The following ZNF516 variants were observed in gnomAD, a reference collection of about 807,000 sequenced individuals.
ZNF516 encodes zinc finger protein 516.
ZNF516 carries 19 observed loss-of-function variants against 79.7 expected under a neutral mutation model. That is an observed-to-expected ratio of 0.24 (90% CI 0.17 to 0.35). The LOEUF (loss-of-function observed/expected upper bound fraction) is 0.35, where lower values mean the gene tolerates loss of function less well. Ranked by LOEUF, ZNF516 falls within the 10% of genes least tolerant of loss-of-function variation. ZNF516 has a pLI of 1.00. For missense variants in ZNF516, 1,678 were observed against 1,679.5 expected, an observed-to-expected ratio of 1.00 and a Z score of 0.02; for synonymous variants, 877 against 739.5, an observed-to-expected ratio of 1.19 and a Z score of -3.02.
chr18:76,418,092 C>A (rs188031013), intron 3 of ZNF516, among the ~76,000 whole-genome samples: 492 of 152,372 alleles, frequency 3.2e-3, no homozygotes, highest in African/African-American at 0.011. Flanking sequence ...TCACTGTCAA[C>A]ACACACTGTA....
chr18:76,489,790 A>G lies in ZNF516; in HGVS notation c.-272+5354T>C, dbSNP rs375456495. On this transcript the variant is annotated intron_variant, in intron 1 of 6. Coordinates refer to ENST00000443185, the MANE Select transcript of ZNF516 (RefSeq NM_014643.4). Reference sequence around the variant, plus strand: ...TTCTTGATCTAGTGTATTTCAGGATATTAAGCCATCTGGAAAGATTATTCT... The same window carrying G: ...TTCTTGATCTAGTGTATTTCAGGATGTTAAGCCATCTGGAAAGATTATTCT... 3.0e-4 allele frequency among the ~76,000 whole-genome samples: 45 copies of G among 152,328 alleles called. No individual in the cohort carries two copies. In the South Asian group the frequency reaches 8.9e-3, roughly 30 times the overall value.
At chr18:76,381,741 G>T (rs1433338557) in intron 3 of ZNF516, among the ~76,000 whole-genome samples, 1 of 152,192 alleles carries the variant, frequency 6.6e-6, no homozygotes, top group Admixed American at 6.5e-5. Context: ...TGTAAAAAAC[G>T]CCAGCAGTTA....
rs1326050200 is a variant in ZNF516, at chr18:76,360,647, ATATATATATATAT to A, written c.*1838_*1850del. 35 of 61,768 alleles carry A rather than the reference ATATATATATATAT, an allele frequency of 5.7e-4. No individual in the cohort carries two copies. The highest frequency in any genetic ancestry group is 2.1e-3 in the African/African-American group (33 of 15,630). 3.8% of individuals were successfully genotyped at this position (61,768 alleles called of 1,614,324 possible). A position where few individuals can be genotyped will look rare whatever the true frequency, so the allele number is the denominator to read the frequency against. Reference sequence around the variant, plus strand: ...AAAAAATAAGTAAAAAAAAAAAAAAATATATATATATATATATATATATATATATATAAGCTAG... The same window carrying A: ...AAAAAATAAGTAAAAAAAAAAAAAAAATATATATATATATATATAAGCTAG... On this transcript the variant is annotated 3_prime_UTR_variant, in exon 7 of 7. Transcript: ENST00000443185.
At chr18:76,425,719 C>G (rs774973168) in intron 3 of ZNF516, among the ~76,000 whole-genome samples, 17 of 152,222 alleles carry the variant, frequency 1.1e-4, no homozygotes, top group Non-Finnish European at 2.4e-4. Flanking sequence ...TGAACTCTTA[C>G]CAGACCTTGT....
At chr18:76,448,060 A>G (rs1297347685) in intron 2 of ZNF516, among the ~76,000 whole-genome samples, 1 of 152,234 alleles carries the variant, frequency 6.6e-6, no homozygotes, top group African/African-American at 2.4e-5. Flanking sequence ...TGTTTGAAAA[A>G]ACTGTTTACT....
chr18:76,492,583 A>G, intron 1 of ZNF516: 1 of 425,520 alleles, frequency 2.4e-6, no homozygotes, highest in Non-Finnish European at 3.1e-6. Context: ...CATCAGTTTC[A>G]GCAATCCGCG....
In ZNF516 at chr18:76,378,916, T is replaced by C. The variant is rs1339100416; in HGVS notation, c.3198A>G (p.Pro1066=). The C allele has an allele frequency of 3.1e-6, 5 of 1,613,842 alleles. No individual in the cohort carries two copies. Among genetic ancestry groups the C allele is most frequent in the Non-Finnish European group, 4.2e-6 (5 of 1,179,826 alleles). ...CCTGGTAGAGGGTCGCAAAGTCCTTTGGAATGTACGTCTTAAAGATGTTGA... is the reference window on the plus strand; with the variant it reads ...CCTGGTAGAGGGTCGCAAAGTCCTTCGGAATGTACGTCTTAAAGATGTTGA... ...DILNIFKTYI[P]KDFATLYQGW... The change falls in exon 4 of 7, where the codon CCA becomes CCG. Residue 1066 remains proline (P), a synonymous_variant. Coordinates refer to ENST00000443185, the MANE Select transcript of ZNF516 (RefSeq NM_014643.4).
intron 3 of ZNF516, among the ~76,000 whole-genome samples, chr18:76,437,067 A>AACACACACACACAC (rs370573337): frequency 0.21 from 28,364 of 135,562 alleles, 3,141 homozygotes; most frequent in Middle Eastern, 0.23. Context: ...ACCTGTCTAA[A>AACACACACACACAC]ACACACACAC....
At chr18:76,390,657 T>C (rs1437637272) in intron 3 of ZNF516, among the ~76,000 whole-genome samples, 2 of 152,042 alleles carry the variant, frequency 1.3e-5, no homozygotes, top group Non-Finnish European at 2.9e-5. Context: ...GCAACCCGGG[T>C]CCCGCAGGCA....
At position 76,443,042 on chromosome 18, in the gene ZNF516, T is replaced by A; in HGVS notation, c.13A>T (p.Arg5Ter). The A allele has an allele frequency of 6.3e-7, 1 of 1,591,286 alleles. No homozygotes were observed. The highest frequency in any genetic ancestry group is 8.5e-7 in the Non-Finnish European group (1 of 1,174,630). The change falls in exon 3 of 7, where the codon AGA becomes TGA. Residue 5 changes from arginine (R) to a stop codon, truncating the protein, a stop_gained. Coordinates refer to ENST00000443185, the MANE Select transcript of ZNF516 (RefSeq NM_014643.4). LOFTEE classifies it high-confidence loss of function. ...CGCCTCAGCTCCATCTCGGCCTCTC[T>A]GTTGCGATCCATCCGAAGGACGGGC... MDRN[R>*]EAEMELRRGP...
chr18:76,434,823 A>G (rs538002600), intron 3 of ZNF516, among the ~76,000 whole-genome samples: 1 of 152,382 alleles, frequency 6.6e-6, no homozygotes, highest in South Asian at 2.1e-4. Context: ...CAGAGCAAGG[A>G]CAGCAGCTTC....
rs2074480733 is a variant in ZNF516 at position 76,358,019 on chromosome 18, C to T, written c.*4479G>A. On this transcript the variant is annotated 3_prime_UTR_variant, in exon 7 of 7. Coordinates refer to ENST00000443185, the MANE Select transcript of ZNF516 (RefSeq NM_014643.4). ...AAAAAAACCACTCGGGCCATCTGGG[C>T]ATCTGTTCAGATGAACGATCTTGTG... Among the ~76,000 whole-genome samples, 1 of 152,222 alleles carries T rather than the reference C, an allele frequency of 6.6e-6. No individual in the cohort carries two copies. The highest frequency in any genetic ancestry group is 6.5e-5 in the Admixed American group (1 of 15,280).
At chr18:76,473,526 G>C (rs2145739464) in intron 1 of ZNF516, among the ~76,000 whole-genome samples, 1 of 152,280 alleles carries the variant, frequency 6.6e-6, no homozygotes, top group East Asian at 1.9e-4. Flanking sequence ...AGTTGGCTGG[G>C]TGCGGTGGCT....
At position 76,442,536 on chromosome 18, in the gene ZNF516, C is replaced by T; in HGVS notation, c.519G>A (p.Ala173=). 1 of 1,599,916 alleles carries T rather than the reference C, an allele frequency of 6.3e-7. No individual in the cohort carries two copies. The highest frequency in any genetic ancestry group is 1.1e-5 in the South Asian group (1 of 91,068). ...GGCTCTTGCAGAAGGAGCACTGGAC[C>T]GCTGCCTTGGCCTCCCCCGGGGCGC... ...SACAPGEAKA[A]VQCSFCKSQF... is the part of the protein sequence containing the mutation. Residue 173 remains alanine, a synonymous_variant, in exon 3 of 7, where the codon GCG becomes GCA. Transcript: ENST00000443185.
chr18:76,490,457 G>C (rs559303723), intron 1 of ZNF516, among the ~76,000 whole-genome samples: 4 of 152,152 alleles, frequency 2.6e-5, no homozygotes, highest in African/African-American at 4.8e-5. Context: ...ATTTTACACG[G>C]CAGTAGCCAG....
intron 3 of ZNF516, among the ~76,000 whole-genome samples, chr18:76,414,857 T>C (rs1341400011): frequency 6.6e-6 from 1 of 152,266 alleles, no homozygotes; most frequent in Non-Finnish European, 1.5e-5. Flanking sequence ...CCACACATTC[T>C]TAAATGTCTC....
chr18:76,461,674 C>A (rs573867519), intron 2 of ZNF516, among the ~76,000 whole-genome samples: 1 of 152,260 alleles, frequency 6.6e-6, no homozygotes, highest in African/African-American at 2.4e-5. Context: ...GCGCCTGGCA[C>A]ACAGTGGGCG....
At chr18:76,482,287 C>T (rs1914568790) in intron 1 of ZNF516, among the ~76,000 whole-genome samples, 1 of 152,220 alleles carries the variant, frequency 6.6e-6, no homozygotes, top group Non-Finnish European at 1.5e-5. Flanking sequence ...CTTTTCCCTT[C>T]ATCGCGACCT....
intron 3 of ZNF516, among the ~76,000 whole-genome samples, chr18:76,407,328 G>A (rs2075316342): frequency 6.6e-6 from 1 of 152,188 alleles, no homozygotes. Flanking sequence ...GAACAGCTGA[G>A]GTGAGAGGAA....
Sources: gnomAD v4.1 joint callset for allele counts (sites outside exome capture counted in the v4.1 genomes callset) on GRCh38, gnomAD v4.1.1 for gene constraint, MANE v1.5 for transcripts, NCBI Gene and HGNC (gene_info 2026-07-23, HGNC 2026-07-21) for gene names.